CNTN4: variants seen among roughly 807,000 people sequenced by gnomAD.
The protein encoded by CNTN4 is contactin-4.
Under a neutral mutation model 122.5 loss-of-function variants are expected in CNTN4, and 77 were observed. The observed-to-expected ratio is 0.63, with a 90% confidence interval of 0.52 to 0.76. The LOEUF (loss-of-function observed/expected upper bound fraction) is 0.76, where lower values mean the gene tolerates loss of function less well. Ranked by LOEUF, CNTN4 falls within the 30% of genes least tolerant of loss-of-function variation. The pLI, the probability that CNTN4 is intolerant of heterozygous loss-of-function variation, is 0.00. For missense variants in CNTN4, 1,256 were observed against 1,259.1 expected, an observed-to-expected ratio of 1.00 and a Z score of 0.04; for synonymous variants, 512 against 447.0, an observed-to-expected ratio of 1.15 and a Z score of -1.83.
intron 2 of CNTN4, among the ~76,000 whole-genome samples, chr3:2,114,998 C>G (rs141998590): frequency 2.0e-5 from 3 of 152,230 alleles, no homozygotes; most frequent in African/African-American, 7.2e-5. Flanking sequence ...AACAAGTTTC[C>G]TTTTCTAACA....
Position 2,726,704 on chromosome 3 carries a change from C to T in CNTN4, c.56-9511C>T, listed in dbSNP as rs145755566. ...AATCGGAAAGTTTGCTGCAGTGGAG[C>T]GCTGGGTTGTTAGGGTAGTACACTA... On this transcript the variant is annotated intron_variant, in intron 4 of 24. Coordinates refer to ENST00000418658, the MANE Select transcript of CNTN4 (RefSeq NM_175607.3). Among the ~76,000 whole-genome samples the T allele has an allele frequency of 2.6e-4, 40 of 152,228 alleles. No individual in the cohort carries two copies. In the East Asian group the frequency reaches 5.6e-3, roughly 21 times the overall value.
At chr3:2,346,218 C>G (rs907316125) in intron 3 of CNTN4, among the ~76,000 whole-genome samples, 1 of 152,072 alleles carries the variant, frequency 6.6e-6, no homozygotes, top group African/African-American at 2.4e-5. Flanking sequence ...GGACGTTTCA[C>G]TGTTTTCATT....
At chr3:2,166,561 A>T (rs1229246599) in intron 2 of CNTN4, among the ~76,000 whole-genome samples, 1 of 152,302 alleles carries the variant, frequency 6.6e-6, no homozygotes, top group East Asian at 1.9e-4. Context: ...AATGTAAGTT[A>T]TGAAATATTA....
Position 2,185,254 on chromosome 3 carries a change from T to C in CNTN4, c.-145+84615T>C, listed in dbSNP as rs532203830. ...TAGTTTTCTGAGGAGTCTGTCTTCTTTGGGGCAGAAATGGGGACACATTGC... is the reference window on the plus strand; with the variant it reads ...TAGTTTTCTGAGGAGTCTGTCTTCTCTGGGGCAGAAATGGGGACACATTGC... On this transcript the variant is annotated intron_variant, in intron 2 of 24. Coordinates refer to ENST00000418658, the MANE Select transcript of CNTN4 (RefSeq NM_175607.3). Among the ~76,000 whole-genome samples, 11 of 152,298 alleles carry C rather than the reference T, an allele frequency of 7.2e-5. No homozygotes were observed. The South Asian group carries it at 8.3e-4, about 11-fold the overall frequency.
At chr3:2,983,044 C>G (rs1033133959) in intron 13 of CNTN4, among the ~76,000 whole-genome samples, 2 of 151,256 alleles carry the variant, frequency 1.3e-5, no homozygotes, top group Non-Finnish European at 3.0e-5. Flanking sequence ...GAAAACCTGT[C>G]TCTACTAAAA....
At chr3:2,371,376 C>G (rs150675768) in intron 3 of CNTN4, among the ~76,000 whole-genome samples, 1 of 152,112 alleles carries the variant, frequency 6.6e-6, no homozygotes, top group Non-Finnish European at 1.5e-5. Context: ...ACCTTTAACA[C>G]CCTATTTAAA....
At chr3:3,047,512 C>T (rs163898) in intron 23 of CNTN4, among the ~76,000 whole-genome samples, 134,345 of 146,934 alleles carry the variant, frequency 0.91, 61,598 homozygotes, top group African/African-American at 0.95. Context: ...CTGAACAACC[C>T]GCTCCTGAAT....
At chr3:2,138,345 G>A (rs920711429) in intron 2 of CNTN4, among the ~76,000 whole-genome samples, 19 of 152,176 alleles carry the variant, frequency 1.2e-4, no homozygotes, top group African/African-American at 4.1e-4. Context: ...CGGGATTACA[G>A]GTGTGAGCTA....
intron 3 of CNTN4, among the ~76,000 whole-genome samples, chr3:2,528,328 A>G (rs1281944546): frequency 1.3e-5 from 2 of 152,144 alleles, no homozygotes; most frequent in African/African-American, 2.4e-5. Context: ...TTGGATTTTG[A>G]TTGTGTATTA....
At chr3:2,396,676 C>T (rs2046653554) in intron 3 of CNTN4, among the ~76,000 whole-genome samples, 1 of 123,372 alleles carries the variant, frequency 8.1e-6, no homozygotes, top group African/African-American at 2.6e-5. Context: ...TTTTTATTAA[C>T]CTCTCCTAGA....
chr3:2,862,314 T>G (rs930922903), intron 7 of CNTN4, among the ~76,000 whole-genome samples: 2 of 152,218 alleles, frequency 1.3e-5, no homozygotes, highest in African/African-American at 4.8e-5. Context: ...TACCTGGATT[T>G]GAAAATTGCT....
chr3:2,787,783 GTGGGTTTTTGTTTTT>G (rs2091884436), intron 6 of CNTN4, among the ~76,000 whole-genome samples: 1 of 119,702 alleles, frequency 8.4e-6, no homozygotes. Context: ...ATATTGTTTT[GTGGGTTTTTGTTTTT>G]TTTTTTTTTG....
chr3:2,595,011 G>A (rs2616597), intron 4 of CNTN4, among the ~76,000 whole-genome samples: 64,310 of 152,016 alleles, frequency 0.42, 14,986 homozygotes, highest in East Asian at 0.57. Context: ...CTCACATTGG[G>A]TATGTGACCA....
intron 2 of CNTN4, among the ~76,000 whole-genome samples, chr3:2,140,075 C>G (rs1264911626): frequency 6.6e-6 from 1 of 152,144 alleles, no homozygotes; most frequent in South Asian, 2.1e-4. Flanking sequence ...TGCACAAGCC[C>G]TCTTGCCTGC....
intron 7 of CNTN4, among the ~76,000 whole-genome samples, chr3:2,843,171 T>A (rs151253729): frequency 6.6e-6 from 1 of 152,228 alleles, no homozygotes; most frequent in African/African-American, 2.4e-5. Context: ...CTTATTCTCC[T>A]ATAGTTTTCC....
chr3:2,747,660 C>G (rs1327973744), intron 6 of CNTN4, among the ~76,000 whole-genome samples: 1 of 152,090 alleles, frequency 6.6e-6, no homozygotes, highest in Admixed American at 6.5e-5. Context: ...CCACTCAGTT[C>G]GTGGTGGGTT....
intron 3 of CNTN4, among the ~76,000 whole-genome samples, chr3:2,386,355 A>G (rs1308889691): frequency 6.6e-6 from 1 of 152,162 alleles, no homozygotes; most frequent in African/African-American, 2.4e-5. Flanking sequence ...CATACAACCC[A>G]TAGTTTTTCT....
intron 6 of CNTN4, among the ~76,000 whole-genome samples, chr3:2,815,147 A>G (rs560764294): frequency 1.1e-4 from 17 of 152,372 alleles, no homozygotes; most frequent in African/African-American, 4.1e-4. Context: ...AGTAGATGAC[A>G]TTGGAAAACC....
intron 2 of CNTN4, among the ~76,000 whole-genome samples, chr3:2,178,251 A>C (rs1170585220): frequency 6.6e-6 from 1 of 152,000 alleles, no homozygotes; most frequent in African/African-American, 2.4e-5. Context: ...ATTGCTCTAC[A>C]CAAAGGTACA....
Sources: gnomAD v4.1 joint callset for allele counts (sites outside exome capture counted in the v4.1 genomes callset) on GRCh38, gnomAD v4.1.1 for gene constraint, MANE v1.5 for transcripts, NCBI Gene and HGNC (gene_info 2026-07-23, HGNC 2026-07-21) for gene names.